PRKG1: variants seen among roughly 807,000 people sequenced by gnomAD.
The protein encoded by PRKG1 is cGMP-dependent protein kinase 1.
Under a neutral mutation model 88.1 loss-of-function variants are expected in PRKG1, and 35 were observed. The ratio of observed to expected loss-of-function variants is 0.40; its 90% CI spans 0.30 to 0.53. PRKG1 has a LOEUF of 0.53. PRKG1 is among the 20% of genes least tolerant of loss of function. PRKG1 has a pLI of 0.59. For synonymous variants in PRKG1, 303 were observed against 292.5 expected, an observed-to-expected ratio of 1.04 and a Z score of -0.37; for missense variants, 540 against 839.8, an observed-to-expected ratio of 0.64 and a Z score of 4.41.
Position 51,984,268 on chromosome 10 carries a change from C to T in PRKG1, c.763-70216C>T, listed in dbSNP as rs374901785. On this transcript the variant is annotated intron_variant, in intron 5 of 17. Coordinates refer to ENST00000373980, the MANE Select transcript of PRKG1 (RefSeq NM_006258.4). ...TGAAGACATTATGCAATTCAAAATT[C>T]GTGTAATTCAAAACTAATTTTAAAG... Among the ~76,000 whole-genome samples, 45 of 152,220 alleles carry T rather than the reference C, an allele frequency of 3.0e-4. 1 individual carries two copies. The highest frequency in any genetic ancestry group is 7.7e-4 in the East Asian group (4 of 5,176).
intron 5 of PRKG1, among the ~76,000 whole-genome samples, chr10:51,968,761 T>A (rs1589466687): frequency 6.7e-6 from 1 of 148,726 alleles, no homozygotes; most frequent in Admixed American, 6.8e-5. Flanking sequence ...AGGCGGAGGT[T>A]GCAGTGAGCC....
At chr10:51,216,373 A>C (rs1226716855) in intron 2 of PRKG1, among the ~76,000 whole-genome samples, 1 of 152,244 alleles carries the variant, frequency 6.6e-6, no homozygotes, top group African/African-American at 2.4e-5. Flanking sequence ...GAAAGTCAAC[A>C]GAGATTCTGT....
At chr10:52,016,862 A>C (rs923872592) in intron 5 of PRKG1, among the ~76,000 whole-genome samples, 1 of 152,164 alleles carries the variant, frequency 6.6e-6, no homozygotes, top group Admixed American at 6.5e-5. Context: ...CAGAACAAAG[A>C]GATGAAGAGA....
intron 2 of PRKG1, among the ~76,000 whole-genome samples, chr10:51,169,947 T>C (rs1240598109): frequency 2.0e-5 from 3 of 152,072 alleles, no homozygotes; most frequent in South Asian, 2.1e-4. Context: ...TGCTCGCTTG[T>C]CTGTGTGCCT....
chr10:52,086,407 ATT>A (rs34889827), intron 7 of PRKG1, among the ~76,000 whole-genome samples: 19,655 of 140,278 alleles, frequency 0.14, 1,438 homozygotes, highest in East Asian at 0.31. Context: ...TATAGGTATG[ATT>A]TTTTTTTTTT....
At chr10:51,297,791 G>C (rs1328998262) in intron 2 of PRKG1, among the ~76,000 whole-genome samples, 1 of 151,980 alleles carries the variant, frequency 6.6e-6, no homozygotes, top group African/African-American at 2.4e-5. Context: ...ACATGTAATA[G>C]GTTTTCATCA....
intron 5 of PRKG1, among the ~76,000 whole-genome samples, chr10:51,964,285 G>T (rs949225086): frequency 2.6e-5 from 4 of 152,146 alleles, no homozygotes; most frequent in Admixed American, 2.6e-4. Flanking sequence ...ACGTGCATAG[G>T]TTCTGAGGAT....
At chr10:51,744,560 T>G (rs1010722628) in intron 3 of PRKG1, among the ~76,000 whole-genome samples, 1 of 152,188 alleles carries the variant, frequency 6.6e-6, no homozygotes, top group Non-Finnish European at 1.5e-5. Context: ...TACATAAGAA[T>G]AGTGATAGTT....
chr10:51,863,593 A>G (rs1261026381), intron 4 of PRKG1, among the ~76,000 whole-genome samples: 7 of 152,148 alleles, frequency 4.6e-5, no homozygotes, highest in Non-Finnish European at 7.3e-5. Context: ...GTGGGGCCTA[A>G]TGGGAGATGT....
At chr10:51,095,184 G>T (rs182804355) in intron 1 of PRKG1, among the ~76,000 whole-genome samples, 97 of 152,220 alleles carry the variant, frequency 6.4e-4, no homozygotes, top group Middle Eastern at 3.4e-3. Flanking sequence ...CAGAATCCAG[G>T]TCTCTTAATA....
At chr10:51,385,923 A>G (rs760805657) in intron 2 of PRKG1, among the ~76,000 whole-genome samples, 5 of 152,204 alleles carry the variant, frequency 3.3e-5, no homozygotes, top group Non-Finnish European at 7.3e-5. Context: ...ATATATACAA[A>G]AGAGGTTGCA....
At position 51,499,074 on chromosome 10, in the gene PRKG1, A is replaced by G. The variant is rs147544342; in HGVS notation, c.592+31238A>G. 7.3e-3 allele frequency among the ~76,000 whole-genome samples: 1,111 copies of G among 152,300 alleles called. 14 individuals are homozygous for G. The highest frequency in any genetic ancestry group is 0.026 in the African/African-American group (1,070 of 41,566). ...TGTTAATTTATAATATTGAAACAAC[A>G]GTTTTGCATACTTTTTCAGGTAAGG... On this transcript the variant is annotated intron_variant, in intron 3 of 17. Transcript: ENST00000373980.
At chr10:52,112,189 A>C (rs181432541) in intron 7 of PRKG1, among the ~76,000 whole-genome samples, 2 of 152,244 alleles carry the variant, frequency 1.3e-5, no homozygotes, top group Admixed American at 6.5e-5. Context: ...CCTTTTTCAC[A>C]TACTCACTCC....
At chr10:52,025,795 G>A (rs1845320371) in intron 5 of PRKG1, among the ~76,000 whole-genome samples, 2 of 151,670 alleles carry the variant, frequency 1.3e-5, no homozygotes, top group South Asian at 4.2e-4. Context: ...TGGCAATGCG[G>A]GCTCTTTTTT....
intron 10 of PRKG1, among the ~76,000 whole-genome samples, chr10:52,270,235 G>A (rs558489412): frequency 6.6e-6 from 1 of 152,266 alleles, no homozygotes; most frequent in Admixed American, 6.6e-5. Flanking sequence ...TGCTGGAGAG[G>A]ATGTGGAGAA....
At chr10:51,618,819 A>G (rs962570849) in intron 3 of PRKG1, among the ~76,000 whole-genome samples, 1 of 151,590 alleles carries the variant, frequency 6.6e-6, no homozygotes, top group Non-Finnish European at 1.5e-5. Context: ...CCCAGGCTGG[A>G]GTGTAGTGGC....
chr10:51,653,793 C>G (rs1840097947), intron 3 of PRKG1, among the ~76,000 whole-genome samples: 1 of 152,116 alleles, frequency 6.6e-6, no homozygotes, highest in African/African-American at 2.4e-5. Flanking sequence ...GTCTGGAACT[C>G]CTGGCCTCAA....
intron 3 of PRKG1, among the ~76,000 whole-genome samples, chr10:51,776,299 T>C (rs1452693599): frequency 1.3e-5 from 2 of 152,208 alleles, no homozygotes; most frequent in Non-Finnish European, 2.9e-5. Flanking sequence ...GTTGTGACTG[T>C]CTAGAATTAG....
At chr10:51,458,524 C>A (rs1169042584) in intron 2 of PRKG1, among the ~76,000 whole-genome samples, 1 of 151,838 alleles carries the variant, frequency 6.6e-6, no homozygotes, top group Non-Finnish European at 1.5e-5. Flanking sequence ...TCATCACACA[C>A]AAAGATCTTT....
Sources: allele counts gnomAD v4.1 joint callset (sites outside exome capture counted in the v4.1 genomes callset), GRCh38; gene constraint gnomAD v4.1.1; transcripts MANE v1.5; gene names NCBI Gene and HGNC (gene_info 2026-07-23, HGNC 2026-07-21).